The following FAM228B variants were observed in gnomAD, a reference collection of about 807,000 sequenced individuals.
FAM228B encodes family with sequence similarity 228 member B.
A neutral mutation model predicts 42.6 loss-of-function variants in FAM228B; 38 were observed. The observed-to-expected ratio is 0.89, with a 90% CI of 0.69 to 1.17. The LOEUF is 1.17. Ranked by LOEUF, FAM228B falls within the 50% of genes most tolerant of loss-of-function variation. FAM228B has a pLI of 0.00. For missense variants in FAM228B, 344 were observed against 367.3 expected (o/e 0.94, Z 0.52); for synonymous variants, 109 against 122.3 (o/e 0.89, Z 0.72).
Position 24,143,501 on chromosome 2 carries a change from CT to C in FAM228B, c.442-3241del, listed in dbSNP as rs1043535451. Among the ~76,000 whole-genome samples, 6 of 152,156 alleles carry C rather than the reference CT, an allele frequency of 3.9e-5. No individual in the cohort carries two copies. The South Asian group carries it at 1.0e-3, about 26-fold the overall frequency. On this transcript the variant is annotated intron_variant, in intron 5 of 10. Coordinates refer to ENST00000615575, the MANE Select transcript of FAM228B (RefSeq NM_001145710.2). ...GAACCATCATGCCTGGCCACTCCTA[CT>C]TTTTTCAATTACGTATCTCTATATG... is the stretch of plus-strand genomic sequence containing the variant.
At chr2:24,100,925 A>G (rs1164733923) in intron 3 of FAM228B, among the ~76,000 whole-genome samples, 1 of 152,350 alleles carries the variant, frequency 6.6e-6, no homozygotes, top group Admixed American at 6.5e-5. Context: ...ATGGAATACT[A>G]TGCAGCCATA....
At chr2:24,147,735 A>G (rs1446927873) in intron 7 of FAM228B, among the ~76,000 whole-genome samples, 1 of 152,018 alleles carries the variant, frequency 6.6e-6, no homozygotes, top group Admixed American at 6.6e-5. Context: ...GAATTTTTAG[A>G]TAGTTTTTAT....
chr2:24,101,978 G>A (rs772576242), intron 3 of FAM228B, among the ~76,000 whole-genome samples: 2 of 151,890 alleles, frequency 1.3e-5, no homozygotes, highest in Admixed American at 6.6e-5. Flanking sequence ...TACCGCGCCC[G>A]GTCCCTATTT....
chr2:24,143,109 A>G (rs896037559), intron 5 of FAM228B, among the ~76,000 whole-genome samples: 3 of 152,204 alleles, frequency 2.0e-5, no homozygotes, highest in Admixed American at 6.5e-5. Flanking sequence ...AGTATCAAAA[A>G]CAAATATCCA....
chr2:24,084,376 C>G lies in FAM228B; in HGVS notation c.-210+3421C>G, dbSNP rs774018082. 5 of 1,380,670 alleles carry G rather than the reference C, an allele frequency of 3.6e-6. No individual in the cohort carries two copies. The Middle Eastern group carries it at 5.9e-4, about 163-fold the overall frequency. 85.5% of individuals were successfully genotyped at this position (1,380,670 alleles called of 1,614,324 possible). Reference sequence around the variant, plus strand: ...CAGGGCAGGACAGGACAGGGCAGGGCAGGGCAGGACAGGACAGGGCAGGGC... The same window carrying G: ...CAGGGCAGGACAGGACAGGGCAGGGGAGGGCAGGACAGGACAGGGCAGGGC... On this transcript the variant is annotated intron_variant, in intron 2 of 10. Transcript: ENST00000613899. This position sits in a 1 kb window ranked among gnomAD's most constrained non-coding sequence, Gnocchi z 8.4.
At chr2:24,094,742 C>G (rs1665462136) in intron 2 of FAM228B, among the ~76,000 whole-genome samples, 1 of 152,216 alleles carries the variant, frequency 6.6e-6, no homozygotes, top group South Asian at 2.1e-4. Flanking sequence ...CTTGGCCTCT[C>G]TAAGTGCTGA....
chr2:24,086,064 T>C lies in FAM228B; in HGVS notation c.-210+5109T>C, dbSNP rs1378492087. Among the ~76,000 whole-genome samples, 9 of 151,730 alleles carry C rather than the reference T, an allele frequency of 5.9e-5. No individual in the cohort carries two copies. In the South Asian group the frequency reaches 1.5e-3, roughly 25 times the overall value. Reference sequence around the variant, plus strand: ...TCCTGGCTAACACGGTGAAACCCCGTCTCTACTAAAAATACAAAAAATTAG... The same window carrying C: ...TCCTGGCTAACACGGTGAAACCCCGCCTCTACTAAAAATACAAAAAATTAG... On this transcript the variant is annotated intron_variant, in intron 2 of 10. Transcript: ENST00000613899.
chr2:24,122,340 A>G, upstream of FAM228B: 1 of 1,080,202 alleles, frequency 9.3e-7, no homozygotes. Context: ...AAAAAAAAAA[A>G]GTCATGTCTG....
intron 7 of FAM228B, among the ~76,000 whole-genome samples, chr2:24,159,853 A>G (rs1051561459): frequency 1.3e-5 from 2 of 151,762 alleles, no homozygotes; most frequent in African/African-American, 4.8e-5. Context: ...TTTGGCTTCT[A>G]TTGTTGTTTT....
At chr2:24,089,436 A>AT (rs1476566932) in intron 2 of FAM228B, among the ~76,000 whole-genome samples, 5 of 152,184 alleles carry the variant, frequency 3.3e-5, no homozygotes, top group South Asian at 2.1e-4. Context: ...AAAAAGGAAG[A>AT]TTTTTTTAGC....
chr2:24,133,257 G>GT (rs1055915121), intron 2 of FAM228B, among the ~76,000 whole-genome samples: 6 of 151,842 alleles, frequency 4.0e-5, no homozygotes, highest in Non-Finnish European at 7.4e-5. Context: ...TCAGGTTGTT[G>GT]TTTTTTATAT....
rs1287997635 is a variant in FAM228B at position 24,169,637 on chromosome 2, C to T, written c.*296C>T. 2 of 259,180 alleles carry T rather than the reference C, an allele frequency of 7.7e-6. No homozygotes were observed. Among genetic ancestry groups the T allele is most frequent in the Admixed American group, 3.8e-5 (1 of 25,986 alleles). 16.1% of individuals were successfully genotyped at this position (259,180 alleles called of 1,614,324 possible). ...CCAATAAAAATAATTACAGCTCCCTCACTAAGTGTCCATCTCTGTATATTT... is the reference window on the plus strand; with the variant it reads ...CCAATAAAAATAATTACAGCTCCCTTACTAAGTGTCCATCTCTGTATATTT... On this transcript the variant is annotated 3_prime_UTR_variant, in exon 11 of 11. Transcript: ENST00000615575. The surrounding 1 kb of genome is among the most constrained non-coding windows in gnomAD (Gnocchi z 4.2).
In FAM228B at chr2:24,080,089, G is replaced by A. The variant is rs1664932657; in HGVS notation, c.-289-787G>A. Among the ~76,000 whole-genome samples, 1 of 152,186 alleles carries A rather than the reference G, an allele frequency of 6.6e-6. No homozygotes were observed. Among genetic ancestry groups the A allele is most frequent in the Admixed American group, 6.5e-5 (1 of 15,282 alleles). On this transcript the variant is annotated intron_variant, in intron 1 of 10. Transcript: ENST00000613899. The surrounding 1 kb of genome is among the most constrained non-coding windows in gnomAD (Gnocchi z 4.7). ...TAAAAAATGGAGGCCAGGCATGGTG[G>A]CTCATGCCTGTAATCCCAGTACTTT...
At chr2:24,120,277 A>AAAC (rs1553329186), upstream of FAM228B, among the ~76,000 whole-genome samples, 238 of 151,494 alleles carry the variant, frequency 1.6e-3, 2 homozygotes, top group African/African-American at 5.6e-3. Context: ...TCAAAAAAAA[A>AAAC]AACAACAACA....
chr2:24,146,462 G>A lies in FAM228B; in HGVS notation c.442-286G>A, dbSNP rs370453661. ...CATGGGAAAGGAATTTTTAAAATTTGGGAACATATGGTAACAACAAAATAA... is the reference window on the plus strand; with the variant it reads ...CATGGGAAAGGAATTTTTAAAATTTAGGAACATATGGTAACAACAAAATAA... On this transcript the variant is annotated intron_variant, in intron 5 of 10. Coordinates refer to ENST00000615575, the MANE Select transcript of FAM228B (RefSeq NM_001145710.2). Among the ~76,000 whole-genome samples, 33 of 152,184 alleles carry A rather than the reference G, an allele frequency of 2.2e-4. No homozygotes were observed. The East Asian group carries it at 6.0e-3, about 28-fold the overall frequency.
chr2:24,084,221 C>T lies in FAM228B; in HGVS notation c.-210+3266C>T, dbSNP rs777984711. The T allele has an allele frequency of 1.4e-5, 23 of 1,613,746 alleles. No homozygotes were observed. The highest frequency in any genetic ancestry group is 8.5e-7 in the Non-Finnish European group (1 of 1,179,934). ...AAGTCCGCCCGGTTCAGGGCGCTGG[C>T]CGCCACCTTCAGGAGGACTTCACCC... On this transcript the variant is annotated intron_variant, in intron 2 of 10. Coordinates refer to the FAM228B transcript ENST00000613899. The surrounding 1 kb of genome is among the most constrained non-coding windows in gnomAD (Gnocchi z 8.4).
At chr2:24,129,830 T>C (rs908862453) in intron 2 of FAM228B, among the ~76,000 whole-genome samples, 5 of 152,360 alleles carry the variant, frequency 3.3e-5, no homozygotes, top group Non-Finnish European at 5.9e-5. Flanking sequence ...TACTTTAAGT[T>C]CTGAGATACA....
upstream of FAM228B, among the ~76,000 whole-genome samples, chr2:24,120,650 G>A (rs1391914057): frequency 6.6e-6 from 1 of 152,052 alleles, no homozygotes; most frequent in Non-Finnish European, 1.5e-5. Flanking sequence ...CTGCCTTCTG[G>A]ATTCAAGAAA....
intron 3 of FAM228B, among the ~76,000 whole-genome samples, chr2:24,108,104 C>G (rs1665729178): frequency 6.6e-6 from 1 of 152,088 alleles, no homozygotes; most frequent in Non-Finnish European, 1.5e-5. Context: ...TTACCACTGG[C>G]CCCACAGAAA....
Sources: allele counts gnomAD v4.1 joint callset (sites outside exome capture counted in the v4.1 genomes callset), GRCh38; gene constraint gnomAD v4.1.1; non-coding constraint Gnocchi (gnomAD v3.1); transcripts MANE v1.5; gene names NCBI Gene and HGNC (gene_info 2026-07-23, HGNC 2026-07-21).